Variants in DLG2 observed in about 807,000 individuals in gnomAD.
The protein encoded by DLG2 is disks large homolog 2.
DLG2 carries 45 observed loss-of-function variants against 132.5 expected under a neutral mutation model. The ratio of observed to expected loss-of-function variants is 0.34; its 90% CI spans 0.27 to 0.44. The LOEUF (loss-of-function observed/expected upper bound fraction) is 0.44. Ranked by LOEUF, DLG2 falls within the 20% of genes least tolerant of loss-of-function variation. The probability of loss-of-function intolerance (pLI) is 1.00; values close to 1 mark genes in which losing one functional copy is unlikely to be tolerated. For missense variants in DLG2, 1,045 were observed against 1,196.9 expected, an observed-to-expected ratio of 0.87 and a Z score of 1.87; for synonymous variants, 424 against 419.6, an observed-to-expected ratio of 1.01 and a Z score of -0.13.
At chr11:85,460,220 C>A (rs1053690757) in intron 3 of DLG2, among the ~76,000 whole-genome samples, 1 of 152,130 alleles carries the variant, frequency 6.6e-6, no homozygotes, top group African/African-American at 2.4e-5. Flanking sequence ...GAAGGGAGCC[C>A]GACCTCTCCT....
At chr11:83,971,963 T>C (rs2091424425) in intron 12 of DLG2, among the ~76,000 whole-genome samples, 1 of 152,156 alleles carries the variant, frequency 6.6e-6, no homozygotes, top group Non-Finnish European at 1.5e-5. Context: ...TGAATATGTA[T>C]GTCATAGAGC....
chr11:83,965,493 T>C, intron 12 of DLG2, 25 bp from the exon 13 acceptor site: 1 of 1,576,378 alleles, frequency 6.3e-7, no homozygotes, highest in Non-Finnish European at 8.6e-7. Flanking sequence ...AAGATCAATA[T>C]TAGAGTTAAA....
rs1445124187 is a variant in DLG2, at chr11:83,456,382, C to CTAAAG, written c.*3431_*3435dup. On this transcript the variant is annotated 3_prime_UTR_variant, in exon 28 of 28. Transcript: ENST00000376104. ...TGGGCTGAGTAGGTGAAACGGCGACCTAAAGTATTTGTGTCATTAGTCCAG... is the reference window on the plus strand; with the variant it reads ...TGGGCTGAGTAGGTGAAACGGCGACCTAAAGTAAAGTATTTGTGTCATTAGTCCAG... The CTAAAG allele has an allele frequency of 1.3e-5, 2 of 152,744 alleles. No individual in the cohort carries two copies. The highest frequency in any genetic ancestry group is 6.5e-5 in the Admixed American group (1 of 15,282). 9.5% of individuals were successfully genotyped at this position (152,744 alleles called of 1,614,324 possible). A position where few individuals can be genotyped will look rare whatever the true frequency, so the allele number is the denominator to read the frequency against.
chr11:84,270,777 C>T (rs941622063), intron 7 of DLG2, among the ~76,000 whole-genome samples: 12 of 152,120 alleles, frequency 7.9e-5, no homozygotes, highest in African/African-American at 1.7e-4. Flanking sequence ...CTAAGATTAA[C>T]GACATCAATA....
rs182365363 is a variant in DLG2 at position 85,013,114 on chromosome 11, T to C, written c.357+98547A>G. On this transcript the variant is annotated intron_variant, in intron 6 of 27. Coordinates refer to ENST00000376104, the MANE Select transcript of DLG2 (RefSeq NM_001142699.3). The stretch of plus-strand genomic sequence containing the variant: ...CAGAAATGGTTGCAATACTTTTTGT[T>C]CCACATGCTCTTGCTAACGTTTATC... Among the ~76,000 whole-genome samples, 145 of 152,346 alleles carry C rather than the reference T, an allele frequency of 9.5e-4. 1 individual carries two copies. The highest frequency in any genetic ancestry group is 3.3e-3 in the African/African-American group (136 of 41,584).
chr11:85,283,985 C>T (rs1210084909), intron 4 of DLG2, among the ~76,000 whole-genome samples: 1 of 151,486 alleles, frequency 6.6e-6, no homozygotes, highest in Non-Finnish European at 1.5e-5. Context: ...TGAAGATCTG[C>T]TTAAATAAGT....
intron 10 of DLG2, among the ~76,000 whole-genome samples, chr11:84,073,707 T>C (rs2096787398): frequency 6.6e-6 from 1 of 152,230 alleles, no homozygotes. Flanking sequence ...CTCATGATTA[T>C]TTTAATTCTC....
intron 3 of DLG2, among the ~76,000 whole-genome samples, chr11:85,544,983 C>T (rs986312147): frequency 2.6e-5 from 4 of 152,166 alleles, no homozygotes; most frequent in African/African-American, 4.8e-5. Context: ...CCGTTTATTT[C>T]TTTCTCTTGC....
At chr11:85,348,142 T>C (rs948868104) in intron 3 of DLG2, among the ~76,000 whole-genome samples, 1 of 151,400 alleles carries the variant, frequency 6.6e-6, no homozygotes, top group Admixed American at 6.6e-5. Flanking sequence ...CATGCCACCA[T>C]GCCCAGCTAA....
At chr11:84,655,493 T>C (rs983331704) in intron 6 of DLG2, among the ~76,000 whole-genome samples, 1 of 152,074 alleles carries the variant, frequency 6.6e-6, no homozygotes, top group Admixed American at 6.6e-5. Flanking sequence ...GGCTACACCA[T>C]CTATTTCTTA....
intron 6 of DLG2, among the ~76,000 whole-genome samples, chr11:84,754,311 T>TGAACAGTATC (rs1230437490): frequency 3.3e-5 from 5 of 152,170 alleles, no homozygotes; most frequent in African/African-American, 4.8e-5. Flanking sequence ...TGAAGCATAT[T>TGAACAGTATC]GAACAGTATC....
chr11:85,354,004 T>A (rs2083497147), intron 3 of DLG2, among the ~76,000 whole-genome samples: 2 of 149,746 alleles, frequency 1.3e-5, no homozygotes, highest in South Asian at 4.2e-4. Context: ...AAAAAGAAAT[T>A]CCTTAATAAA....
chr11:84,879,311 T>C (rs2086913156), intron 6 of DLG2, among the ~76,000 whole-genome samples: 1 of 152,170 alleles, frequency 6.6e-6, no homozygotes, highest in South Asian at 2.1e-4. Flanking sequence ...ATTTATTGAG[T>C]GCCAAAACCC....
intron 8 of DLG2, among the ~76,000 whole-genome samples, chr11:84,199,428 T>A (rs1278019036): frequency 6.6e-6 from 1 of 151,984 alleles, no homozygotes; most frequent in Non-Finnish European, 1.5e-5. Flanking sequence ...TAAAATACAA[T>A]ACATGCAAAA....
chr11:85,266,255 T>G (rs1196689249), intron 4 of DLG2, among the ~76,000 whole-genome samples: 1 of 152,248 alleles, frequency 6.6e-6, no homozygotes, highest in Non-Finnish European at 1.5e-5. Context: ...CTCTTGCCTA[T>G]GTGATCCCTC....
At chr11:84,263,289 A>G (rs1482377937) in intron 7 of DLG2, among the ~76,000 whole-genome samples, 3 of 152,058 alleles carry the variant, frequency 2.0e-5, no homozygotes, top group Non-Finnish European at 4.4e-5. Context: ...TTTACCACTC[A>G]GACATAGAAA....
At chr11:85,184,318 A>G (rs1299298744) in intron 4 of DLG2, among the ~76,000 whole-genome samples, 1 of 151,770 alleles carries the variant, frequency 6.6e-6, no homozygotes, top group Admixed American at 6.6e-5. Context: ...ATTCTAAACA[A>G]GGGGATTTTT....
intron 18 of DLG2, among the ~76,000 whole-genome samples, chr11:83,639,573 G>C (rs949351166): frequency 4.0e-5 from 6 of 149,058 alleles, no homozygotes; most frequent in African/African-American, 1.2e-4. Context: ...CACATGGACA[G>C]AGGAAGGGGA....
chr11:84,740,551 C>T (rs1373914957), intron 6 of DLG2, among the ~76,000 whole-genome samples: 1 of 152,082 alleles, frequency 6.6e-6, no homozygotes, highest in East Asian at 1.9e-4. Flanking sequence ...AACAAAGCCG[C>T]CTCTGGAGTG....
Sources: gnomAD v4.1 joint callset for allele counts (sites outside exome capture counted in the v4.1 genomes callset) on GRCh38, gnomAD v4.1.1 for gene constraint, MANE v1.5 for transcripts, NCBI Gene and HGNC (gene_info 2026-07-23, HGNC 2026-07-21) for gene names.